Variants in SHISA5 observed in about 807,000 individuals in gnomAD.
SHISA5 encodes protein shisa-5.
A neutral mutation model predicts 27.5 loss-of-function variants in SHISA5; 21 were observed. That is an observed-to-expected ratio of 0.76 (90% CI 0.54 to 1.10). SHISA5 has a LOEUF of 1.10. Among genes scored for constraint, SHISA5 ranks in the 50% least tolerant of loss-of-function variants. SHISA5 has a pLI of 0.00. For missense variants in SHISA5, 314 were observed against 336.3 expected (o/e 0.93, Z 0.52); for synonymous variants, 137 against 142.2 (o/e 0.96, Z 0.26).
chr3:48,496,320 G>A (rs1423366358), intron 2 of SHISA5, among the ~76,000 whole-genome samples: 2 of 151,324 alleles, frequency 1.3e-5, no homozygotes, highest in African/African-American at 2.4e-5. Context: ...TAGGCCGGGT[G>A]CAGTGGCTCA....
chr3:48,469,912 G>A lies in SHISA5; in HGVS notation c.315-69C>T, dbSNP rs1279120583. 6.4e-7 allele frequency: 1 copy of A among 1,557,990 alleles called. No individual in the cohort carries two copies. The highest frequency in any genetic ancestry group is 8.7e-7 in the Non-Finnish European group (1 of 1,149,054). On this transcript the variant is annotated intron_variant, in intron 3 of 5. Coordinates refer to ENST00000296444, the MANE Select transcript of SHISA5 (RefSeq NM_016479.6). The surrounding 1 kb of genome is among the most constrained non-coding windows in gnomAD (Gnocchi z 4.6). ...CAGACCAGCATCCACACCTTCCCAA[G>A]GCATGCCCCTCTTGCCAGAAGGGGT...
chr3:48,477,423 C>T (rs2040862522), intron 3 of SHISA5, among the ~76,000 whole-genome samples: 1 of 152,012 alleles, frequency 6.6e-6, no homozygotes, highest in Non-Finnish European at 1.5e-5. Flanking sequence ...AAACAAAAAA[C>T]ACGGGGTCGC....
chr3:48,482,738 C>A (rs576034069), intron 2 of SHISA5, among the ~76,000 whole-genome samples: 1 of 151,278 alleles, frequency 6.6e-6, no homozygotes, highest in East Asian at 2.0e-4. Flanking sequence ...CAGGTTCAAG[C>A]GATTCTCCTG....
rs143981376 is a variant in SHISA5 at position 48,503,245 on chromosome 3, C to G, written c.76+774G>C. Reference sequence around the variant, plus strand: ...AGGCTGAGTCCATGGCACAAATGCTCTCTGACCCCCAGACCTCACTGAATC... The same window carrying G: ...AGGCTGAGTCCATGGCACAAATGCTGTCTGACCCCCAGACCTCACTGAATC... On this transcript the variant is annotated intron_variant, in intron 1 of 5. Coordinates refer to ENST00000296444, the MANE Select transcript of SHISA5 (RefSeq NM_016479.6). 30 of 1,156,868 alleles carry G rather than the reference C, an allele frequency of 2.6e-5. No individual in the cohort carries two copies. The East Asian group carries it at 1.7e-3, about 64-fold the overall frequency. 71.7% of individuals were successfully genotyped at this position (1,156,868 alleles called of 1,614,324 possible).
intron 2 of SHISA5, among the ~76,000 whole-genome samples, chr3:48,488,264 T>TTTG (rs1575323814): frequency 3.4e-5 from 5 of 146,958 alleles, no homozygotes; most frequent in Admixed American, 2.8e-4. Flanking sequence ...TTTTTTTTTT[T>TTTG]GTGAGACAGA....
In SHISA5 at chr3:48,468,436, C is replaced by T; in HGVS notation, c.*671G>A. The T allele has an allele frequency of 1.7e-6, 2 of 1,147,164 alleles. No homozygotes were observed. The highest frequency in any genetic ancestry group is 2.2e-6 in the Non-Finnish European group (2 of 922,628). The allele number at this position is 1,147,164 out of a possible 1,614,324, so 71.1% of individuals were successfully genotyped here. A position where few individuals can be genotyped will look rare whatever the true frequency, so the allele number is the denominator to read the frequency against. ...GGGAGATGCGGGGACAGGGGACAGT[C>T]CAGGCAGACAGGTACAGCTGAGTAG... On this transcript the variant is annotated 3_prime_UTR_variant, in exon 6 of 6. Coordinates refer to ENST00000296444, the MANE Select transcript of SHISA5 (RefSeq NM_016479.6).
At position 48,479,304 on chromosome 3, in the gene SHISA5, C is replaced by T. The variant is rs766073212; in HGVS notation, c.234-47G>A. The T allele has an allele frequency of 4.2e-5, 65 of 1,551,664 alleles. 1 individual carries two copies. In the Admixed American group the frequency reaches 1.1e-3, roughly 27 times the overall value. On this transcript the variant is annotated intron_variant, in intron 2 of 5. Transcript: ENST00000296444. ...ATTAGCACAATGAAGCCCCACCGAG[C>T]GCCAGCACAAACACTACCTTAGGGC...
At chr3:48,479,305 G>A (rs1276181237) in intron 2 of SHISA5, 48 bp from the exon 3 acceptor site, 29 of 1,548,764 alleles carry the variant, frequency 1.9e-5, no homozygotes, top group East Asian at 7.0e-5. Flanking sequence ...CCCACCGAGC[G>A]CCAGCACAAA....
intron 2 of SHISA5, among the ~76,000 whole-genome samples, chr3:48,500,219 G>A (rs1457410319): frequency 6.6e-6 from 1 of 152,194 alleles, no homozygotes; most frequent in Admixed American, 6.6e-5. Context: ...ACACTACACC[G>A]ACTTTGCAAG....
chr3:48,503,922 T>G, intron 1 of SHISA5, 97 bp downstream of exon 1: 1 of 1,363,876 alleles, frequency 7.3e-7, no homozygotes. Flanking sequence ...GTGGGGGGCA[T>G]AGTGGGGCTG....
In SHISA5 at chr3:48,468,819, C is replaced by T; in HGVS notation, c.*288G>A. On this transcript the variant is annotated 3_prime_UTR_variant, in exon 6 of 6. Coordinates refer to ENST00000296444, the MANE Select transcript of SHISA5 (RefSeq NM_016479.6). The stretch of plus-strand genomic sequence containing the variant: ...TCTCAGGGGCCACCTCACAGGGTGC[C>T]CCCCACCACCCCATTCTTTGAGTTT... 3 of 1,470,250 alleles carry T rather than the reference C, an allele frequency of 2.0e-6. No individual in the cohort carries two copies. The highest frequency in any genetic ancestry group is 2.7e-6 in the Non-Finnish European group (3 of 1,104,962). 91.1% of individuals were successfully genotyped at this position (1,470,250 alleles called of 1,614,324 possible).
chr3:48,489,065 A>G (rs769618417), intron 2 of SHISA5, among the ~76,000 whole-genome samples: 11 of 152,096 alleles, frequency 7.2e-5, no homozygotes, highest in Non-Finnish European at 1.3e-4. Flanking sequence ...GCTGTCGGAC[A>G]TCTAAGATCC....
In SHISA5 at chr3:48,501,565, A is replaced by G. The variant is rs540588654; in HGVS notation, c.77-272T>C. ...CCTGATAGGAGGGTGAACTTTCTCA[A>G]TGTGAGTCTGATGGGGCCACACCCT... On this transcript the variant is annotated intron_variant, in intron 1 of 5. Coordinates refer to ENST00000296444, the MANE Select transcript of SHISA5 (RefSeq NM_016479.6). 1.4e-4 allele frequency among the ~76,000 whole-genome samples: 21 copies of G among 152,168 alleles called. No individual in the cohort carries two copies. In the South Asian group the frequency reaches 4.1e-3, roughly 30 times the overall value.
chr3:48,469,868 G>A lies in SHISA5; in HGVS notation c.315-25C>T, dbSNP rs761922528. On this transcript the variant is annotated intron_variant, in intron 3 of 5. Coordinates refer to ENST00000296444, the MANE Select transcript of SHISA5 (RefSeq NM_016479.6). This position sits in a 1 kb window ranked among gnomAD's most constrained non-coding sequence, Gnocchi z 4.6. ...CCTGCCAAAGAGCTAGACGTGACCC[G>A]GGGCACCTCGCCCCTCCCCAGACCA... 18 of 1,601,278 alleles carry A rather than the reference G, an allele frequency of 1.1e-5. No individual in the cohort carries two copies. Among genetic ancestry groups the A allele is most frequent in the South Asian group, 3.4e-5 (3 of 89,544 alleles).
At chr3:48,495,665 G>A (rs2041530905) in intron 2 of SHISA5, among the ~76,000 whole-genome samples, 1 of 146,842 alleles carries the variant, frequency 6.8e-6, no homozygotes, top group Non-Finnish European at 1.5e-5. Context: ...AAGACTACAG[G>A]TGCATGCCAC....
Position 48,469,799 on chromosome 3 carries a change from G to A in SHISA5, c.359C>T (p.Ser120Phe). 1.9e-6 allele frequency: 3 copies of A among 1,614,130 alleles called. No homozygotes were observed. Among genetic ancestry groups the A allele is most frequent in the African/African-American group, 1.3e-5 (1 of 75,042 alleles). The part of the protein sequence containing the change: ...LAVGLTIFVL[S>F]VVTIIICFTC... ...GAAGCAGATGATGATAGTGACGACAGACAGCACAAAGATGGTCAGGCCAAC... is the reference window on the plus strand; with the variant it reads ...GAAGCAGATGATGATAGTGACGACAAACAGCACAAAGATGGTCAGGCCAAC... The change falls in exon 4 of 6, where the codon TCT becomes TTT. Residue 120 changes from serine (S) to phenylalanine (F), a missense_variant. Physicochemically the swap from Ser to Phe is radical, Grantham distance 155. Coordinates refer to ENST00000296444, the MANE Select transcript of SHISA5 (RefSeq NM_016479.6). This position sits in a 1 kb window ranked among gnomAD's most constrained non-coding sequence, Gnocchi z 4.6.
At chr3:48,474,064 T>C (rs1269595453) in intron 3 of SHISA5, among the ~76,000 whole-genome samples, 1 of 151,232 alleles carries the variant, frequency 6.6e-6, no homozygotes, top group African/African-American at 2.4e-5. Context: ...CACCAGACAG[T>C]GAAATTTACA....
chr3:48,480,368 G>A (rs2040969914), intron 2 of SHISA5, among the ~76,000 whole-genome samples: 1 of 151,524 alleles, frequency 6.6e-6, no homozygotes, highest in Non-Finnish European at 1.5e-5. Flanking sequence ...TTACCTGGCA[G>A]GGGAGAAGAT....
At chr3:48,488,555 C>T (rs1222101054) in intron 2 of SHISA5, among the ~76,000 whole-genome samples, 5 of 142,032 alleles carry the variant, frequency 3.5e-5, no homozygotes, top group Admixed American at 7.0e-5. Flanking sequence ...GTGAAAAGGC[C>T]GGGCGCGGTG....
Sources: gnomAD v4.1 joint callset for allele counts (sites outside exome capture counted in the v4.1 genomes callset) on GRCh38, gnomAD v4.1.1 for gene constraint, Gnocchi (gnomAD v3.1) non-coding constraint, MANE v1.5 for transcripts, NCBI Gene and HGNC (gene_info 2026-07-23, HGNC 2026-07-21) for gene names.